Variants in ACTN1 observed in about 807,000 individuals in gnomAD.
The protein encoded by ACTN1 is actinin alpha 1.
Under a neutral mutation model 119.6 loss-of-function variants are expected in ACTN1, and 30 were observed. The observed-to-expected ratio is 0.25, with a 90% CI of 0.19 to 0.34. The LOEUF (loss-of-function observed/expected upper bound fraction) is 0.34, where lower values mean the gene tolerates loss of function less well. Among genes scored for constraint, ACTN1 ranks in the 10% least tolerant of loss-of-function variants. The pLI is 1.00. For missense variants in ACTN1, 764 were observed against 1,223.4 expected (o/e 0.62, Z 5.60); for synonymous variants, 429 against 472.6 (o/e 0.91, Z 1.20).
intron 1 of ACTN1, among the ~76,000 whole-genome samples, chr14:68,935,387 ATTTTTTTTTTTT>A (rs560204692): frequency 1.8e-5 from 1 of 56,396 alleles, no homozygotes; most frequent in African/African-American, 8.1e-5. Context: ...CTCTCTGTTC[ATTTTTTTTTTTT>A]TTTTTTTTTT....
At chr14:68,961,560 G>C (rs1401903016) in intron 1 of ACTN1, among the ~76,000 whole-genome samples, 1 of 152,204 alleles carries the variant, frequency 6.6e-6, no homozygotes, top group Non-Finnish European at 1.5e-5. Flanking sequence ...CACAGGGCGC[G>C]GGGGCACGGG....
chr14:68,972,876 A>T (rs1183693765), intron 1 of ACTN1, among the ~76,000 whole-genome samples: 1 of 152,216 alleles, frequency 6.6e-6, no homozygotes, highest in Non-Finnish European at 1.5e-5. Context: ...ATGCATGTAG[A>T]GTCCTTAGGA....
At chr14:68,888,545 G>A (rs186063838) in intron 11 of ACTN1, among the ~76,000 whole-genome samples, 1 of 152,134 alleles carries the variant, frequency 6.6e-6, no homozygotes, top group South Asian at 2.1e-4. Context: ...AGGGGAACTA[G>A]AGCCAACCCC....
chr14:68,934,996 T>C (rs947909610), intron 1 of ACTN1, among the ~76,000 whole-genome samples: 8 of 152,222 alleles, frequency 5.3e-5, no homozygotes, highest in African/African-American at 1.9e-4. Flanking sequence ...TTTACAGTTG[T>C]CTGTAAATGT....
In ACTN1 at chr14:68,880,161, G is replaced by C; in HGVS notation, c.2134-53C>G. 1 of 1,589,930 alleles carries C rather than the reference G, an allele frequency of 6.3e-7. No homozygotes were observed. The highest frequency in any genetic ancestry group is 1.3e-5 in the African/African-American group (1 of 74,450). On this transcript the variant is annotated intron_variant, in intron 17 of 21. Coordinates refer to ENST00000394419, the MANE Select transcript of ACTN1 (RefSeq NM_001130004.2). The surrounding 1 kb of genome is among the most constrained non-coding windows in gnomAD (Gnocchi z 4.6). ...AAAGGGGTCCCAGGCCTGGGCTCCT[G>C]GCGGCCCCTGCCCATCCTACTCCCC...
At chr14:68,912,058 G>T in intron 4 of ACTN1, 98 bp downstream of exon 4, 2 of 1,076,078 alleles carry the variant, frequency 1.9e-6, no homozygotes, top group South Asian at 1.4e-5. Context: ...CATGGCCCCT[G>T]ATCAACGTCC....
In ACTN1 at chr14:68,903,318, G is replaced by A. The variant is rs376453111; in HGVS notation, c.677-756C>T. 9.9e-5 allele frequency among the ~76,000 whole-genome samples: 15 copies of A among 152,268 alleles called. No homozygotes were observed. The East Asian group carries it at 2.9e-3, about 29-fold the overall frequency. ...GTGGCTTTGGGAGGCCAAGGCAGGT[G>A]GATCACTTGAGGCCAGGAGTTCGAG... On this transcript the variant is annotated intron_variant, in intron 7 of 21. Coordinates refer to ENST00000394419, the MANE Select transcript of ACTN1 (RefSeq NM_001130004.2).
At chr14:68,932,912 AAC>A (rs1410856792) in intron 1 of ACTN1, among the ~76,000 whole-genome samples, 1 of 152,182 alleles carries the variant, frequency 6.6e-6, no homozygotes, top group Non-Finnish European at 1.5e-5. Context: ...GGAGGAGACA[AAC>A]ACATATGCCA....
chr14:68,874,933 C>T lies in ACTN1; in HGVS notation c.2671G>A (p.Gly891Ser), dbSNP rs147023729. Residue 891 changes from glycine to serine, a missense_variant, in exon 22 of 22, where the codon GGC (glycine) becomes AGC (serine). By Grantham distance (56) the Gly-to-Ser change is moderately conservative. This residue lies in a region of ACTN1 where 102 missense variants were observed against 78.2 expected (regional missense o/e 1.30). Transcript: ENST00000394419. Reference protein sequence around the residue: ...YCIARMAPYTGPDSVPGALDY... With the variant: ...YCIARMAPYTSPDSVPGALDY... ...AGAGCACCTGGCACGGAGTCGGGGC[C>T]GGTGTAGGGGGCCATCCGCGCGATG... is the stretch of plus-strand genomic sequence containing the variant. 1.2e-6 allele frequency: 2 copies of T among 1,612,486 alleles called. No homozygotes were observed. Among genetic ancestry groups the T allele is most frequent in the South Asian group, 1.1e-5 (1 of 91,054 alleles).
chr14:68,877,068 C>G lies in ACTN1; in HGVS notation c.2586+14G>C. ...CTGCCACCCCAGCACAGTGCCCACCCATAGGACACCCACCTTGTCCCCAGC... is the reference window on the plus strand; with the variant it reads ...CTGCCACCCCAGCACAGTGCCCACCGATAGGACACCCACCTTGTCCCCAGC... On this transcript the variant is annotated intron_variant, in intron 21 of 21. Transcript: ENST00000394419. The G allele has an allele frequency of 6.2e-7, 1 of 1,613,740 alleles. No homozygotes were observed. Among genetic ancestry groups the G allele is most frequent in the Non-Finnish European group, 8.5e-7 (1 of 1,179,792 alleles).
chr14:68,905,562 A>G (rs1286725107), intron 6 of ACTN1, among the ~76,000 whole-genome samples: 1 of 152,242 alleles, frequency 6.6e-6, no homozygotes, highest in Non-Finnish European at 1.5e-5. Flanking sequence ...GTACCCATTG[A>G]TGGATGAACG....
chr14:68,934,558 G>A (rs185422183), intron 1 of ACTN1, among the ~76,000 whole-genome samples: 3 of 152,254 alleles, frequency 2.0e-5, no homozygotes, highest in Non-Finnish European at 2.9e-5. Flanking sequence ...TCACCAAGGT[G>A]AACTAAGATG....
intron 1 of ACTN1, chr14:68,936,546 G>A (rs1283207776): frequency 2.2e-6 from 1 of 448,948 alleles, no homozygotes; most frequent in Admixed American, 3.4e-5. Context: ...GTCTGTCTAG[G>A]GGGTGGCGGG....
At chr14:68,967,022 A>G (rs534114204) in intron 1 of ACTN1, among the ~76,000 whole-genome samples, 257 of 152,338 alleles carry the variant, frequency 1.7e-3, no homozygotes, top group African/African-American at 5.9e-3. Flanking sequence ...GGTCTGTGCC[A>G]GTTCCAACCA....
intron 1 of ACTN1, among the ~76,000 whole-genome samples, chr14:68,972,065 A>G (rs532524084): frequency 1.3e-5 from 2 of 152,108 alleles, no homozygotes; most frequent in Non-Finnish European, 2.9e-5. Flanking sequence ...GGGAGAGCAC[A>G]CGGAGAGAAG....
chr14:68,939,620 G>C (rs1217156698), intron 1 of ACTN1, among the ~76,000 whole-genome samples: 1 of 152,116 alleles, frequency 6.6e-6, no homozygotes, highest in African/African-American at 2.4e-5. Context: ...TGGTTTCTTA[G>C]GGCTGGGAAC....
At chr14:68,963,088 T>C (rs2036591165) in intron 1 of ACTN1, among the ~76,000 whole-genome samples, 1 of 151,990 alleles carries the variant, frequency 6.6e-6, no homozygotes, top group Non-Finnish European at 1.5e-5. Context: ...TACCTTTGGT[T>C]ACACCCTTTG....
intron 16 of ACTN1, among the ~76,000 whole-genome samples, chr14:68,881,955 T>TTTTTTTTTTGA (rs58500225): frequency 0.015 from 1,581 of 102,716 alleles, 189 homozygotes; most frequent in Non-Finnish European, 0.02. Flanking sequence ...TTTTTTTTTT[T>TTTTTTTTTTGA]GACAGAGTCT....
At position 68,874,822 on chromosome 14, in the gene ACTN1, C is replaced by T; in HGVS notation, c.*37G>A. ...GCGACGGCGGAGGTGCAAGGCAGGG[C>T]ACGGCGCACAAGACGAGGGCGGCCG... On this transcript the variant is annotated 3_prime_UTR_variant, in exon 22 of 22. Coordinates refer to ENST00000394419, the MANE Select transcript of ACTN1 (RefSeq NM_001130004.2). The T allele has an allele frequency of 6.6e-7, 1 of 1,526,504 alleles. No homozygotes were observed. Among genetic ancestry groups the T allele is most frequent in the Admixed American group, 1.9e-5 (1 of 52,306 alleles). 94.6% of individuals were successfully genotyped at this position (1,526,504 alleles called of 1,614,324 possible).
Sources: gnomAD v4.1 joint callset for allele counts (sites outside exome capture counted in the v4.1 genomes callset) on GRCh38, gnomAD v4.1.1 for gene constraint, gnomAD v4.1.1 regional missense constraint, Gnocchi (gnomAD v3.1) non-coding constraint, MANE v1.5 for transcripts, NCBI Gene and HGNC (gene_info 2026-07-23, HGNC 2026-07-21) for gene names.